ADAMTS3: variants seen among roughly 807,000 people sequenced by gnomAD.
The protein encoded by ADAMTS3 is A disintegrin and metalloproteinase with thrombospondin motifs 3.
A neutral mutation model predicts 129.0 loss-of-function variants in ADAMTS3; 73 were observed. The observed-to-expected ratio is 0.57, with a 90% CI of 0.47 to 0.69. ADAMTS3 has a LOEUF of 0.69. Ranked by LOEUF, ADAMTS3 falls within the 30% of genes least tolerant of loss-of-function variation. ADAMTS3 has a pLI of 0.00. For missense variants in ADAMTS3, 1,457 were observed against 1,514.5 expected, an observed-to-expected ratio of 0.96 and a Z score of 0.63; for synonymous variants, 477 against 510.8, an observed-to-expected ratio of 0.93 and a Z score of 0.89.
At chr4:72,485,616 C>T (rs1282866119) in intron 3 of ADAMTS3, among the ~76,000 whole-genome samples, 1 of 151,934 alleles carries the variant, frequency 6.6e-6, no homozygotes, top group African/African-American at 2.4e-5. Context: ...TTTAAGTTCC[C>T]TTAATTTTCA....
At chr4:72,416,406 C>G (rs555051676) in intron 3 of ADAMTS3, among the ~76,000 whole-genome samples, 65 of 151,912 alleles carry the variant, frequency 4.3e-4, no homozygotes, top group Non-Finnish European at 8.4e-4. Flanking sequence ...TTATGATGTG[C>G]ACATACAAAC....
In ADAMTS3 at chr4:72,282,870, G is replaced by A; in HGVS notation, c.*266C>T. Reference sequence around the variant, plus strand: ...TCCAGTCCCTTTTCTGCTTCAGAGAGCGACCAACACAATCTTAGCAACATA... The same window carrying A: ...TCCAGTCCCTTTTCTGCTTCAGAGAACGACCAACACAATCTTAGCAACATA... On this transcript the variant is annotated 3_prime_UTR_variant, in exon 22 of 22. Transcript: ENST00000286657. 2 of 273,986 alleles carry A rather than the reference G, an allele frequency of 7.3e-6. No individual in the cohort carries two copies. The highest frequency in any genetic ancestry group is 1.4e-5 in the Non-Finnish European group (2 of 146,024). The allele number at this position is 273,986 out of a possible 1,614,324, so 17.0% of individuals were successfully genotyped here. A position where few individuals can be genotyped will look rare whatever the true frequency, so the allele number is the denominator to read the frequency against.
chr4:72,554,811 G>C (rs1170552035), intron 2 of ADAMTS3, among the ~76,000 whole-genome samples: 1 of 151,704 alleles, frequency 6.6e-6, no homozygotes, highest in Non-Finnish European at 1.5e-5. Flanking sequence ...TGTCTAAATT[G>C]CTGTCAGGAA....
At chr4:72,349,742 T>C (rs1720379236) in intron 4 of ADAMTS3, among the ~76,000 whole-genome samples, 1 of 152,048 alleles carries the variant, frequency 6.6e-6, no homozygotes, top group South Asian at 2.1e-4. Context: ...TATGATGCAA[T>C]AAAATTTTGT....
intron 5 of ADAMTS3, among the ~76,000 whole-genome samples, chr4:72,332,300 T>C (rs1719871655): frequency 6.6e-6 from 1 of 152,254 alleles, no homozygotes; most frequent in African/African-American, 2.4e-5. Flanking sequence ...TATTTGCTGC[T>C]AACTCTTGAA....
chr4:72,325,270 T>A (rs1399744989), intron 5 of ADAMTS3, among the ~76,000 whole-genome samples: 2 of 152,170 alleles, frequency 1.3e-5, no homozygotes, highest in Non-Finnish European at 2.9e-5. Flanking sequence ...AAAAAGCTGT[T>A]GTTTCTTATG....
chr4:72,515,943 T>A (rs1720460297), intron 3 of ADAMTS3, among the ~76,000 whole-genome samples: 1 of 152,184 alleles, frequency 6.6e-6, no homozygotes, highest in African/African-American at 2.4e-5. Flanking sequence ...CTGCCTAGGT[T>A]TTCTTCTAGG....
intron 3 of ADAMTS3, among the ~76,000 whole-genome samples, chr4:72,530,679 GT>G (rs1432697804): frequency 6.4e-5 from 5 of 78,170 alleles, no homozygotes; most frequent in Admixed American, 4.6e-4. Context: ...TATATAATAT[GT>G]ATAATATATA....
chr4:72,283,835 C>T lies in ADAMTS3; in HGVS notation c.3050-131G>A, dbSNP rs369835577. On this transcript the variant is annotated intron_variant, in intron 21 of 21. Coordinates refer to ENST00000286657, the MANE Select transcript of ADAMTS3 (RefSeq NM_014243.3). ...CTGACACTAACGGGAGTGATCCACA[C>T]GAGCTTTTGCATTAAAAATATGAAT... 272 of 667,430 alleles carry T rather than the reference C, an allele frequency of 4.1e-4. 1 individual carries two copies. Among genetic ancestry groups the T allele is most frequent in the Middle Eastern group, 4.3e-4 (1 of 2,322 alleles). The allele number at this position is 667,430 out of a possible 1,614,324, so 41.3% of individuals were successfully genotyped here. A position where few individuals can be genotyped will look rare whatever the true frequency, so the allele number is the denominator to read the frequency against.
chr4:72,388,709 A>T, intron 4 of ADAMTS3, among the ~76,000 whole-genome samples: 1 of 152,214 alleles, frequency 6.6e-6, no homozygotes, highest in East Asian at 1.9e-4. Flanking sequence ...GCATTCTCCA[A>T]GACCACCCAT....
chr4:72,524,623 C>T (rs895306302), intron 3 of ADAMTS3, among the ~76,000 whole-genome samples: 16 of 151,824 alleles, frequency 1.1e-4, no homozygotes, highest in African/African-American at 4.8e-5. Flanking sequence ...ATTTTATAGC[C>T]GGTATGTGGT....
intron 3 of ADAMTS3, among the ~76,000 whole-genome samples, chr4:72,489,603 G>A (rs548103320): frequency 6.6e-6 from 1 of 151,868 alleles, no homozygotes; most frequent in Non-Finnish European, 1.5e-5. Context: ...AGTCAGAAAC[G>A]GAATAATAAC....
Position 72,315,990 on chromosome 4 carries a change from A to C in ADAMTS3, c.1486-19T>G. ...TTCGGAACTGGAAGATAGATAATCA[A>C]ATTGTCAGTGAACTCTCAGCTAGCA... On this transcript the variant is annotated intron_variant, in intron 10 of 21. Transcript: ENST00000286657. 49 of 1,500,826 alleles carry C rather than the reference A, an allele frequency of 3.3e-5. No homozygotes were observed. Among genetic ancestry groups the C allele is most frequent in the Non-Finnish European group, 4.5e-5 (49 of 1,084,550 alleles). The allele number at this position is 1,500,826 out of a possible 1,614,324, so 93.0% of individuals were successfully genotyped here.
chr4:72,494,915 T>C (rs750283148), intron 3 of ADAMTS3, among the ~76,000 whole-genome samples: 29 of 152,182 alleles, frequency 1.9e-4, no homozygotes, highest in Non-Finnish European at 3.5e-4. Context: ...GTTACAAATA[T>C]ACCTGGCAGC....
intron 3 of ADAMTS3, among the ~76,000 whole-genome samples, chr4:72,432,801 C>T (rs1394053077): frequency 6.6e-6 from 1 of 151,796 alleles, no homozygotes; most frequent in Non-Finnish European, 1.5e-5. Flanking sequence ...ATAATCAGTA[C>T]ATATACATCA....
intron 3 of ADAMTS3, among the ~76,000 whole-genome samples, chr4:72,470,331 CTCAAG>C (rs1464060999): frequency 1.4e-5 from 2 of 140,910 alleles, no homozygotes; most frequent in East Asian, 4.1e-4. Flanking sequence ...ATGAGGATTA[CTCAAG>C]TCATTTTCTG....
Position 72,410,766 on chromosome 4 carries a change from T to A in ADAMTS3, c.661+4049A>T, listed in dbSNP as rs999132018. Among the ~76,000 whole-genome samples the A allele has an allele frequency of 2.0e-5, 3 of 149,996 alleles. No homozygotes were observed. In the Admixed American group the frequency reaches 2.0e-4, roughly 10 times the overall value. On this transcript the variant is annotated intron_variant, in intron 4 of 21. Coordinates refer to ENST00000286657, the MANE Select transcript of ADAMTS3 (RefSeq NM_014243.3). Reference sequence around the variant, plus strand: ...TTTTTATTAAGTATATTGTTACCAATTAGAGTTTCAAATATAATTTTGTCC... The same window carrying A: ...TTTTTATTAAGTATATTGTTACCAAATAGAGTTTCAAATATAATTTTGTCC...
chr4:72,449,157 T>A (rs1023588903), intron 3 of ADAMTS3, among the ~76,000 whole-genome samples: 3 of 151,680 alleles, frequency 2.0e-5, no homozygotes, highest in African/African-American at 7.3e-5. Flanking sequence ...CCTTCACTTT[T>A]CAGACAATTT....
intron 3 of ADAMTS3, among the ~76,000 whole-genome samples, chr4:72,475,837 G>A (rs1334967666): frequency 6.6e-6 from 1 of 151,660 alleles, no homozygotes; most frequent in Non-Finnish European, 1.5e-5. Context: ...AAAAATAACA[G>A]GAATGTCCCC....
Sources: allele counts gnomAD v4.1 joint callset (sites outside exome capture counted in the v4.1 genomes callset), GRCh38; gene constraint gnomAD v4.1.1; transcripts MANE v1.5; gene names NCBI Gene and HGNC (gene_info 2026-07-23, HGNC 2026-07-21).